Variants in CCDC138 observed in about 807,000 individuals in gnomAD.
CCDC138 encodes the protein coiled-coil domain containing 138.
A neutral mutation model predicts 82.3 loss-of-function variants in CCDC138; 66 were observed. That is an observed-to-expected ratio of 0.80 (90% CI 0.66 to 0.98). The LOEUF (loss-of-function observed/expected upper bound fraction) is 0.98, where lower values mean the gene tolerates loss of function less well. Among genes scored for constraint, CCDC138 ranks in the 50% least tolerant of loss-of-function variants. The pLI is 0.00. For missense variants in CCDC138, 816 were observed against 758.9 expected (o/e 1.08, Z -0.88); for synonymous variants, 297 against 265.4 (o/e 1.12, Z -1.16).
At chr2:108,872,489 G>C (rs1247805701) in intron 13 of CCDC138, among the ~76,000 whole-genome samples, 1 of 152,144 alleles carries the variant, frequency 6.6e-6, no homozygotes, top group Non-Finnish European at 1.5e-5. Flanking sequence ...TCCATTCCTA[G>C]CATATACCAC....
In CCDC138 at chr2:108,794,536, G is replaced by T; in HGVS notation, c.395-4G>T. The T allele has an allele frequency of 6.3e-7, 1 of 1,591,562 alleles. No individual in the cohort carries two copies. The highest frequency in any genetic ancestry group is 1.3e-5 in the African/African-American group (1 of 74,142). ...TTATAATGCAAATGTTATTTTCTTT[G>T]CAGTTGCCTTGCCAACTAATACGAC... On this transcript the variant is annotated splice_region_variant and splice_polypyrimidine_tract_variant and intron_variant, in intron 4 of 14. Coordinates refer to ENST00000295124, the MANE Select transcript of CCDC138 (RefSeq NM_144978.3).
intron 7 of CCDC138, among the ~76,000 whole-genome samples, chr2:108,810,919 G>C (rs527800081): frequency 2.6e-5 from 4 of 152,008 alleles, no homozygotes; most frequent in Non-Finnish European, 2.9e-5. Context: ...TACGTTATAT[G>C]TGCCTAGGAG....
intron 2 of CCDC138, chr2:108,882,952 G>T (rs1034363914): frequency 6.6e-6 from 1 of 152,180 alleles, no homozygotes; most frequent in African/African-American, 2.4e-5. Context: ...ATTAAAGGGT[G>T]TGAGGTAGGG....
Position 108,798,600 on chromosome 2 carries a change from CTTTGAT to C in CCDC138, c.735+18_735+23del. On this transcript the variant is annotated intron_variant, in intron 6 of 14. Transcript: ENST00000295124. The stretch of plus-strand genomic sequence containing the variant: ...ATTATAAAAGAGGTAACTATATAGC[CTTTGAT>C]TTTAGAGTGGTATATTTCTTCTTTT... 1.9e-6 allele frequency: 3 copies of C among 1,557,350 alleles called. No homozygotes were observed. Among genetic ancestry groups the C allele is most frequent in the Non-Finnish European group, 2.6e-6 (3 of 1,144,236 alleles).
intron 3 of CCDC138, among the ~76,000 whole-genome samples, chr2:108,789,762 G>A (rs1028079462): frequency 3.9e-5 from 6 of 152,184 alleles, no homozygotes; most frequent in African/African-American, 1.4e-4. Flanking sequence ...AGGATACAGT[G>A]CTGGGTTAAA....
chr2:108,813,626 G>C (rs909285252), intron 9 of CCDC138, among the ~76,000 whole-genome samples: 2 of 152,002 alleles, frequency 1.3e-5, no homozygotes, highest in Non-Finnish European at 2.9e-5. Flanking sequence ...TAAAATTTGA[G>C]ATATAAATTA....
intron 10 of CCDC138, among the ~76,000 whole-genome samples, chr2:108,829,464 A>T (rs1467672505): frequency 6.6e-6 from 1 of 151,392 alleles, no homozygotes; most frequent in African/African-American, 2.5e-5. Context: ...TTTATTTAAA[A>T]AATAAACATG....
At chr2:108,860,935 C>CTTTTTGTT (rs1693478466) in intron 13 of CCDC138, among the ~76,000 whole-genome samples, 1 of 37,914 alleles carries the variant, frequency 2.6e-5, no homozygotes, top group Non-Finnish European at 4.4e-5. Context: ...TGGTCCAGGA[C>CTTTTTGTT]TTTTTTTTTT....
At chr2:108,792,790 C>T (rs569592785) in intron 4 of CCDC138, among the ~76,000 whole-genome samples, 65 of 152,330 alleles carry the variant, frequency 4.3e-4, no homozygotes, top group African/African-American at 1.3e-3. Context: ...GTCGGCCAGG[C>T]GCGGTGGCTC....
intron 2 of CCDC138, chr2:108,884,677 T>A (rs1332506408): frequency 6.6e-6 from 1 of 152,148 alleles, no homozygotes; most frequent in African/African-American, 2.4e-5. Context: ...ATGCCACAGC[T>A]CTCCTGGCAG....
chr2:108,816,198 C>G, intron 10 of CCDC138, 93 bp downstream of exon 10: 1 of 947,688 alleles, frequency 1.1e-6, no homozygotes, highest in Non-Finnish European at 1.6e-6. Flanking sequence ...CGTCTATAAT[C>G]CCATCACTTT....
chr2:108,826,235 T>G (rs948715485), intron 10 of CCDC138, among the ~76,000 whole-genome samples: 1 of 152,200 alleles, frequency 6.6e-6, no homozygotes, highest in Non-Finnish European at 1.5e-5. Context: ...GATAGTATCC[T>G]TTGAAGCATA....
chr2:108,794,796 A>G (rs929815418), intron 5 of CCDC138, 75 bp downstream of exon 5: 8 of 65,854 alleles, frequency 1.2e-4, no homozygotes, highest in Non-Finnish European at 1.9e-4. Flanking sequence ...AAATTTGAAT[A>G]TAATATATTT....
intron 7 of CCDC138, among the ~76,000 whole-genome samples, chr2:108,810,712 G>T (rs191815919): frequency 6.6e-6 from 1 of 152,232 alleles, no homozygotes; most frequent in African/African-American, 2.4e-5. Flanking sequence ...CAGTTTTTTG[G>T]GATAGTTTGA....
intron 13 of CCDC138, among the ~76,000 whole-genome samples, chr2:108,867,167 TTAAG>T (rs1485491228): frequency 1.3e-5 from 2 of 152,126 alleles, no homozygotes; most frequent in Non-Finnish European, 2.9e-5. Context: ...CTCTGAGAAA[TTAAG>T]TGACTTATTT....
intron 11 of CCDC138, among the ~76,000 whole-genome samples, chr2:108,840,430 A>G (rs1689258982): frequency 6.6e-6 from 1 of 152,170 alleles, no homozygotes; most frequent in Admixed American, 6.5e-5. Flanking sequence ...AACATTTGGT[A>G]GAATTCTCCA....
rs1690538711 is a variant in CCDC138, at chr2:108,846,687, A to G, written c.1324-51A>G. Reference sequence around the variant, plus strand: ...GCAAGACTGTGTCTCAAAAAAAAAGATATATTCTGAACATGAATAAATATA... The same window carrying G: ...GCAAGACTGTGTCTCAAAAAAAAAGGTATATTCTGAACATGAATAAATATA... On this transcript the variant is annotated intron_variant, in intron 11 of 14. Transcript: ENST00000295124. 2.0e-6 allele frequency: 3 copies of G among 1,491,832 alleles called. No individual in the cohort carries two copies. The African/African-American group carries it at 4.3e-5, about 21-fold the overall frequency. The allele number at this position is 1,491,832 out of a possible 1,614,324, so 92.4% of individuals were successfully genotyped here.
chr2:108,817,151 C>T (rs1466834470), intron 10 of CCDC138, among the ~76,000 whole-genome samples: 2 of 152,128 alleles, frequency 1.3e-5, no homozygotes, highest in Non-Finnish European at 2.9e-5. Flanking sequence ...GGAGGTTATC[C>T]AGGATTATGT....
At chr2:108,791,437 T>C (rs1679883970) in intron 3 of CCDC138, 3 of 493,582 alleles carry the variant, frequency 6.1e-6, no homozygotes, top group Admixed American at 3.1e-5. Context: ...CAGGTAGGTA[T>C]ATGTCATTTT....
Sources: gnomAD v4.1 joint callset for allele counts (sites outside exome capture counted in the v4.1 genomes callset) on GRCh38, gnomAD v4.1.1 for gene constraint, MANE v1.5 for transcripts, NCBI Gene and HGNC (gene_info 2026-07-23, HGNC 2026-07-21) for gene names.